Variants in FTO observed in about 807,000 individuals in gnomAD.
FTO encodes alpha-ketoglutarate-dependent dioxygenase FTO.
A neutral mutation model predicts 63.9 loss-of-function variants in FTO; 47 were observed. That is an observed-to-expected ratio of 0.74 (90% CI 0.58 to 0.94). The LOEUF is 0.94. Among genes scored for constraint, FTO ranks in the 40% least tolerant of loss-of-function variants. FTO has a pLI of 0.00. For synonymous variants in FTO, 207 were observed against 224.4 expected (o/e 0.92, Z 0.69); for missense variants, 562 against 618.1 (o/e 0.91, Z 0.96).
chr16:54,010,126 A>G (rs1223526181), intron 8 of FTO, among the ~76,000 whole-genome samples: 23 of 152,070 alleles, frequency 1.5e-4, no homozygotes, highest in Admixed American at 1.0e-3. Flanking sequence ...CTTTAATACA[A>G]TTCTTGGCTG....
chr16:54,085,733 T>G (rs901182593), intron 8 of FTO, among the ~76,000 whole-genome samples: 5 of 152,188 alleles, frequency 3.3e-5, no homozygotes, highest in African/African-American at 1.2e-4. Context: ...GTTTGCAGAT[T>G]GTTTGTTTAG....
At chr16:53,727,523 T>C (rs1425096606) in intron 1 of FTO, among the ~76,000 whole-genome samples, 4 of 152,244 alleles carry the variant, frequency 2.6e-5, no homozygotes, top group African/African-American at 4.8e-5. Context: ...GTCAGTCTTA[T>C]GCAATTTATT....
In FTO at chr16:53,787,144, A is replaced by G. The variant is rs556275826; in HGVS notation, c.46-22996A>G. Among the ~76,000 whole-genome samples, 52 of 124,924 alleles carry G rather than the reference A, an allele frequency of 4.2e-4. 2 individuals carry two copies. In the South Asian group the frequency reaches 0.012, roughly 29 times the overall value. The allele number at this position is 124,924 out of a possible 152,430, so 82.0% of individuals were successfully genotyped here. A position where few individuals can be genotyped will look rare whatever the true frequency, so the allele number is the denominator to read the frequency against. On this transcript the variant is annotated intron_variant, in intron 1 of 8. Coordinates refer to ENST00000471389, the MANE Select transcript of FTO (RefSeq NM_001080432.3). ...AAAAAAAAAAAAAAAAAAAAAAAAG[A>G]AAAAGAAACACCATCCTTGTAAAGA...
chr16:53,894,023 T>A (rs1244553468), intron 7 of FTO, among the ~76,000 whole-genome samples: 1 of 152,230 alleles, frequency 6.6e-6, no homozygotes, highest in Non-Finnish European at 1.5e-5. Context: ...ATAGGCTACA[T>A]TTAATTCTAT....
rs368374474 is a variant in FTO, at chr16:53,704,234, G to A, written c.45+5G>A. On this transcript the variant is annotated splice_donor_5th_base_variant and intron_variant, in intron 1 of 8. Transcript: ENST00000471389. The stretch of plus-strand genomic sequence containing the variant: ...GAACGAGAGCGCGAAGCTAAGGTAT[G>A]TCGGGCTCCCGGGGCCTGGAGATCT... 6.4e-7 allele frequency: 1 copy of A among 1,551,470 alleles called. No individual in the cohort carries two copies. Among genetic ancestry groups the A allele is most frequent in the African/African-American group, 1.4e-5 (1 of 73,178 alleles).
intron 8 of FTO, among the ~76,000 whole-genome samples, chr16:53,944,199 A>G (rs2082603589): frequency 6.6e-6 from 1 of 152,222 alleles, no homozygotes; most frequent in African/African-American, 2.4e-5. Flanking sequence ...GAGATGAGTA[A>G]CATTTGATTA....
intron 8 of FTO, among the ~76,000 whole-genome samples, chr16:54,057,382 C>CT (rs1456277357): frequency 1.3e-5 from 2 of 152,232 alleles, no homozygotes; most frequent in African/African-American, 4.8e-5. Context: ...TCTTGCCAGT[C>CT]TGTCAGTTTT....
chr16:53,889,179 A>G (rs2081084697), intron 7 of FTO, among the ~76,000 whole-genome samples: 1 of 152,242 alleles, frequency 6.6e-6, no homozygotes, highest in South Asian at 2.1e-4. Context: ...CTGGACATAT[A>G]CTATGAAGTG....
chr16:53,776,450 G>A (rs2077461887), intron 1 of FTO, among the ~76,000 whole-genome samples: 1 of 152,136 alleles, frequency 6.6e-6, no homozygotes, highest in Non-Finnish European at 1.5e-5. Flanking sequence ...TTATGTGTTT[G>A]CTTTAGGCCA....
At chr16:53,766,110 T>A (rs905332423) in intron 1 of FTO, among the ~76,000 whole-genome samples, 5 of 152,154 alleles carry the variant, frequency 3.3e-5, no homozygotes, top group Non-Finnish European at 5.9e-5. Context: ...TTAAGATACA[T>A]TTTGTAGGCA....
chr16:54,069,370 C>T (rs2085808025), intron 8 of FTO, among the ~76,000 whole-genome samples: 1 of 152,096 alleles, frequency 6.6e-6, no homozygotes, highest in Non-Finnish European at 1.5e-5. Flanking sequence ...TCAGGGAGAG[C>T]CTACCTAATC....
At chr16:53,712,056 G>T (rs919302027) in intron 1 of FTO, among the ~76,000 whole-genome samples, 1 of 152,282 alleles carries the variant, frequency 6.6e-6, no homozygotes, top group East Asian at 1.9e-4. Flanking sequence ...TTATGCCACT[G>T]CACTCCAGGC....
chr16:53,989,509 G>A lies in FTO; in HGVS notation c.1364+55400G>A, dbSNP rs932745943. On this transcript the variant is annotated intron_variant, in intron 8 of 8. Coordinates refer to ENST00000471389, the MANE Select transcript of FTO (RefSeq NM_001080432.3). ...CAACTCCGATTTGGGAACACTCATT[G>A]TAGTTGGGGAGGTAGAATAGGGTAG... Among the ~76,000 whole-genome samples, 4 of 152,142 alleles carry A rather than the reference G, an allele frequency of 2.6e-5. No individual in the cohort carries two copies. The South Asian group carries it at 8.3e-4, about 32-fold the overall frequency.
In FTO at chr16:53,749,600, G is replaced by A. The variant is rs879720869; in HGVS notation, c.45+45371G>A. 1.2e-3 allele frequency among the ~76,000 whole-genome samples: 189 copies of A among 152,002 alleles called. 1 individual carries two copies. Among genetic ancestry groups the A allele is most frequent in the Non-Finnish European group, 2.0e-3 (136 of 67,982 alleles). On this transcript the variant is annotated intron_variant, in intron 1 of 8. Transcript: ENST00000471389. The stretch of plus-strand genomic sequence containing the variant: ...ACTACAGGCGCCCGCCATCACGCCC[G>A]GCCAATTTTTTTGTATTTTTAGTAG...
intron 4 of FTO, among the ~76,000 whole-genome samples, chr16:53,846,801 C>CAAAAAAAAAAAAAAAAAA (rs55982417): frequency 9.4e-6 from 1 of 106,902 alleles, no homozygotes. Context: ...GACTCAGTCT[C>CAAAAAAAAAAAAAAAAAA]AAAAAAAAAA....
In FTO at chr16:54,111,970, C is replaced by T. The variant is rs767886504; in HGVS notation, c.*55C>T. The T allele has an allele frequency of 1.0e-5, 16 of 1,599,558 alleles. No homozygotes were observed. The highest frequency in any genetic ancestry group is 6.7e-5 in the Admixed American group (4 of 59,976). On this transcript the variant is annotated 3_prime_UTR_variant, in exon 9 of 9. Transcript: ENST00000471389. The stretch of plus-strand genomic sequence containing the variant: ...AAAGAGATCGGCTTTTCTCCTCCAA[C>T]GTTGTCATGGGCTTAAGCAAGAGCA...
At chr16:53,715,003 C>T (rs931452835) in intron 1 of FTO, among the ~76,000 whole-genome samples, 2 of 152,258 alleles carry the variant, frequency 1.3e-5, no homozygotes, top group East Asian at 1.9e-4. Context: ...GTAATAGCAG[C>T]GGTGCCTCAT....
intron 7 of FTO, among the ~76,000 whole-genome samples, chr16:53,904,935 G>T (rs1642714024): frequency 6.6e-6 from 1 of 151,986 alleles, no homozygotes; most frequent in Non-Finnish European, 1.5e-5. Context: ...CACATAGTTT[G>T]TTAGGTAAGA....
At chr16:53,723,518 G>A (rs1567929946) in intron 1 of FTO, among the ~76,000 whole-genome samples, 1 of 152,154 alleles carries the variant, frequency 6.6e-6, no homozygotes, top group Non-Finnish European at 1.5e-5. Flanking sequence ...TGATCTCAAA[G>A]CACTTAGGCA....
Sources: allele counts gnomAD v4.1 joint callset (sites outside exome capture counted in the v4.1 genomes callset), GRCh38; gene constraint gnomAD v4.1.1; transcripts MANE v1.5; gene names NCBI Gene and HGNC (gene_info 2026-07-23, HGNC 2026-07-21).